Variants in SRPRA observed in about 807,000 individuals in gnomAD.
SRPRA encodes the protein signal recognition particle receptor subunit alpha.
A neutral mutation model predicts 61.1 loss-of-function variants in SRPRA; 30 were observed. That is an observed-to-expected ratio of 0.49 (90% confidence interval 0.37 to 0.67). SRPRA has a LOEUF of 0.67. SRPRA is among the 30% of genes least tolerant of loss of function. SRPRA has a pLI of 0.00. For missense variants in SRPRA, 759 were observed against 828.4 expected (o/e 0.92, Z 1.03); for synonymous variants, 324 against 299.7 (o/e 1.08, Z -0.84).
the SRPRA span, chr11:126,240,868 G>A: frequency 2.5e-6 from 4 of 1,614,072 alleles, no homozygotes; most frequent in Non-Finnish European, 3.4e-6. Flanking sequence ...TAGTGCTGCA[G>A]TTGCGCCCCA....
At position 126,267,032 on chromosome 11, in the gene SRPRA, A is replaced by C; in HGVS notation, c.527-110T>G. On this transcript the variant is annotated intron_variant, in intron 4 of 13. Coordinates refer to ENST00000332118, the MANE Select transcript of SRPRA (RefSeq NM_003139.4). This position sits in a 1 kb window ranked among gnomAD's most constrained non-coding sequence, Gnocchi z 4.2. ...AGGAAATTTGGACCAAACATCTTGG[A>C]GTTCATAAGGCCTGGGGATTATAGG... 6.6e-7 allele frequency: 1 copy of C among 1,520,156 alleles called. No individual in the cohort carries two copies. The highest frequency in any genetic ancestry group is 8.9e-7 in the Non-Finnish European group (1 of 1,129,558). 94.2% of individuals were successfully genotyped at this position (1,520,156 alleles called of 1,614,324 possible). A position where few individuals can be genotyped will look rare whatever the true frequency, so the allele number is the denominator to read the frequency against.
At chr11:126,248,352 A>T in the SRPRA span, among the ~76,000 whole-genome samples, 1 of 97,310 alleles carries the variant, frequency 1.0e-5, no homozygotes, top group Non-Finnish European at 1.9e-5. Flanking sequence ...CTTCAATAGT[A>T]GTTGACTTTT....
chr11:126,236,843 T>G, the SRPRA span, among the ~76,000 whole-genome samples: 1 of 151,830 alleles, frequency 6.6e-6, no homozygotes, highest in African/African-American at 2.4e-5. Flanking sequence ...AAATTTCTGT[T>G]GCGTTATTTT....
the SRPRA span, among the ~76,000 whole-genome samples, chr11:126,238,191 G>A: frequency 4.0e-5 from 6 of 151,818 alleles, no homozygotes; most frequent in East Asian, 7.9e-4. Flanking sequence ...GTGAAACCCC[G>A]TCTCTACTAA....
the SRPRA span, among the ~76,000 whole-genome samples, chr11:126,242,024 CAAA>C: frequency 2.0e-4 from 18 of 88,388 alleles, no homozygotes; most frequent in East Asian, 3.2e-4. Context: ...GACTCCGTCT[CAAA>C]AAAAAAAAAA....
chr11:126,246,595 A>G, the SRPRA span, among the ~76,000 whole-genome samples: 4 of 151,882 alleles, frequency 2.6e-5, no homozygotes, highest in Admixed American at 6.6e-5. Flanking sequence ...GCGGTGGGGG[A>G]ACAGGTTTTT....
the SRPRA span, among the ~76,000 whole-genome samples, chr11:126,239,982 G>C: frequency 6.6e-6 from 1 of 152,156 alleles, no homozygotes; most frequent in Non-Finnish European, 1.5e-5. Flanking sequence ...AGACAAAAAG[G>C]TTGGGGAGAA....
chr11:126,262,170 G>T (rs1168041174), downstream of SRPRA: 12 of 1,608,736 alleles, frequency 7.5e-6, no homozygotes, highest in Non-Finnish European at 1.0e-5. Context: ...AGACCAAGCT[G>T]TAAGGCCCTA....
At chr11:126,246,123 A>G in the SRPRA span, among the ~76,000 whole-genome samples, 1 of 152,222 alleles carries the variant, frequency 6.6e-6, no homozygotes, top group Non-Finnish European at 1.5e-5. Flanking sequence ...TTAATAATAA[A>G]AATGATATAT....
intron 7 of SRPRA, 39 bp from the exon 8 acceptor site, chr11:126,266,120 T>C (rs1289497582): frequency 1.2e-6 from 2 of 1,612,462 alleles, no homozygotes; most frequent in East Asian, 2.2e-5. Flanking sequence ...ATAAAACCAG[T>C]AGGCAGGAGT....
chr11:126,267,331 C>A lies in SRPRA; in HGVS notation c.370G>T (p.Ala124Ser), dbSNP rs1950832980. 1.2e-6 allele frequency: 2 copies of A among 1,613,246 alleles called. No homozygotes were observed. The highest frequency in any genetic ancestry group is 2.2e-5 in the South Asian group (2 of 90,818). Residue 124 changes from alanine to serine, a missense_variant, in exon 4 of 14, where the codon GCA becomes TCA. Physicochemically the swap from Ala to Ser is moderately conservative, Grantham distance 99 (BLOSUM62 1). This residue lies in a region of SRPRA where 475 missense variants were observed against 462.5 expected (regional missense o/e 1.03). Transcript: ENST00000332118. The surrounding 1 kb of genome is among the most constrained non-coding windows in gnomAD (Gnocchi z 4.2). ...GCACGGATCTTACTGCTCTCCTCTG[C>A]TTCACTAAACAAAAAGGAGAATGGT... ...QNDFLRLLRE[A>S]EESSKIRAPT...
chr11:126,250,852 C>T, the SRPRA span: 1 of 711,944 alleles, frequency 1.4e-6, no homozygotes, highest in Non-Finnish European at 2.3e-6. This position sits in a 1 kb window ranked among gnomAD's most constrained non-coding sequence, Gnocchi z 5.1. Flanking sequence ...AATTTTTTCC[C>T]TGGTTGGAGT....
chr11:126,261,397 A>G (rs1436507538), downstream of SRPRA: 1 of 1,604,450 alleles, frequency 6.2e-7, no homozygotes, highest in Admixed American at 1.7e-5. Context: ...TTTCAGTCTA[A>G]TGTCTGATGC....
chr11:126,236,320 A>T, the SRPRA span, among the ~76,000 whole-genome samples: 7 of 152,186 alleles, frequency 4.6e-5, no homozygotes, highest in Non-Finnish European at 7.3e-5. Context: ...TCATACACTT[A>T]CATTCATTTG....
chr11:126,238,016 A>T, the SRPRA span, among the ~76,000 whole-genome samples: 406 of 151,732 alleles, frequency 2.7e-3, 1 homozygote, highest in African/African-American at 9.5e-3. Context: ...CTTTCCTCAG[A>T]TGTGAGGTGA....
chr11:126,262,999 C>G lies in SRPRA; in HGVS notation c.*917G>C, dbSNP rs1368576747. On this transcript the variant is annotated 3_prime_UTR_variant, in exon 14 of 14. Coordinates refer to ENST00000332118, the MANE Select transcript of SRPRA (RefSeq NM_003139.4). ...TATTTCTCTGGGCAGACAGCCTTCA[C>G]CTTATTGCACTAATAGCACATCTGT... 1 of 152,652 alleles carries G rather than the reference C, an allele frequency of 6.6e-6. No individual in the cohort carries two copies. Among genetic ancestry groups the G allele is most frequent in the East Asian group, 1.9e-4 (1 of 5,206 alleles). The allele number at this position is 152,652 out of a possible 1,614,324, so 9.5% of individuals were successfully genotyped here.
chr11:126,241,257 T>A, the SRPRA span: 2 of 452,536 alleles, frequency 4.4e-6, no homozygotes, highest in Non-Finnish European at 3.9e-6. Flanking sequence ...ACTGTGTGTC[T>A]ATGAGAGAGA....
chr11:126,264,428 A>G lies in SRPRA; in HGVS notation c.1637T>C (p.Leu546Ser), dbSNP rs758357419. The part of the protein sequence containing the change: ...AKLITVNTPD[L>S]VLFVGEALVG... ...TAAGGCTTCTCCTACAAACAGCACCAAATCAGGTGTATTGACAGTAATGAG... is the reference window on the plus strand; with the variant it reads ...TAAGGCTTCTCCTACAAACAGCACCGAATCAGGTGTATTGACAGTAATGAG... Residue 546 changes from leucine to serine, a missense_variant, in exon 12 of 14, where the codon TTG (leucine) becomes TCG (serine). Coordinates refer to ENST00000332118, the MANE Select transcript of SRPRA (RefSeq NM_003139.4). This position sits in a 1 kb window ranked among gnomAD's most constrained non-coding sequence, Gnocchi z 5.0. 1 of 1,614,224 alleles carries G rather than the reference A, an allele frequency of 6.2e-7. No individual in the cohort carries two copies. Among genetic ancestry groups the G allele is most frequent in the Non-Finnish European group, 8.5e-7 (1 of 1,180,048 alleles).
the SRPRA span, chr11:126,240,815 C>CG: frequency 6.2e-7 from 1 of 1,606,660 alleles, no homozygotes; most frequent in Non-Finnish European, 8.5e-7. Context: ...AGCTTAAAAA[C>CG]TAAGAAGCCT....
Sources: allele counts gnomAD v4.1 joint callset (sites outside exome capture counted in the v4.1 genomes callset), GRCh38; gene constraint gnomAD v4.1.1; regional missense constraint gnomAD v4.1.1; non-coding constraint Gnocchi (gnomAD v3.1); transcripts MANE v1.5; gene names NCBI Gene and HGNC (gene_info 2026-07-23, HGNC 2026-07-21).